USPL1: variants seen among roughly 807,000 people sequenced by gnomAD.
The protein encoded by USPL1 is ubiquitin specific peptidase like 1.
USPL1 carries 27 observed loss-of-function variants against 51.5 expected under a neutral mutation model. That is an observed-to-expected ratio of 0.52 (90% CI 0.39 to 0.72). The LOEUF (loss-of-function observed/expected upper bound fraction) is 0.72, where lower values mean the gene tolerates loss of function less well. Among genes scored for constraint, USPL1 ranks in the 30% least tolerant of loss-of-function variants. USPL1 has a pLI of 0.00. For synonymous variants in USPL1, 451 were observed against 459.6 expected (o/e 0.98, Z 0.24); for missense variants, 1,226 against 1,268.0 (o/e 0.97, Z 0.50).
chr13:30,653,772 A>G (rs560207149), intron 8 of USPL1, among the ~76,000 whole-genome samples: 3 of 152,340 alleles, frequency 2.0e-5, no homozygotes, highest in Admixed American at 1.3e-4. Context: ...AAGTAAGCAC[A>G]GTTTATGGAT....
chr13:30,639,438 A>G lies in USPL1; in HGVS notation c.982+1581A>G, dbSNP rs1006575080. Reference sequence around the variant, plus strand: ...TCTGCTTTATTTTTCATGGACTTATACATACATATTTATTCTGTTCTTATA... The same window carrying G: ...TCTGCTTTATTTTTCATGGACTTATGCATACATATTTATTCTGTTCTTATA... On this transcript the variant is annotated intron_variant, in intron 5 of 8. Coordinates refer to ENST00000255304, the MANE Select transcript of USPL1 (RefSeq NM_005800.5). 2.6e-5 allele frequency among the ~76,000 whole-genome samples: 4 copies of G among 152,092 alleles called. 1 individual carries two copies. Among genetic ancestry groups the G allele is most frequent in the Admixed American group, 2.6e-4 (4 of 15,268 alleles).
chr13:30,644,461 G>A (rs1007465549), intron 6 of USPL1, among the ~76,000 whole-genome samples: 2 of 151,922 alleles, frequency 1.3e-5, no homozygotes, highest in East Asian at 3.9e-4. Context: ...CAGGGTAAGG[G>A]AGGCCACAGA....
chr13:30,630,000 G>A (rs896587748), intron 3 of USPL1, among the ~76,000 whole-genome samples: 1 of 151,882 alleles, frequency 6.6e-6, no homozygotes, highest in African/African-American at 2.4e-5. Flanking sequence ...TAGAGACAGG[G>A]TCTTGCTCTG....
intron 7 of USPL1, among the ~76,000 whole-genome samples, chr13:30,650,635 G>C (rs554840137): frequency 6.6e-6 from 1 of 151,718 alleles, no homozygotes; most frequent in East Asian, 1.9e-4. Flanking sequence ...CAATGTTAAG[G>C]TGTATCCCGA....
At chr13:30,647,408 A>C (rs551198252) in intron 7 of USPL1, among the ~76,000 whole-genome samples, 45 of 152,306 alleles carry the variant, frequency 3.0e-4, no homozygotes, top group Non-Finnish European at 5.3e-4. Context: ...TTCAAGAACT[A>C]AGATGATTCA....
At chr13:30,626,039 G>A (rs1950710664) in intron 3 of USPL1, among the ~76,000 whole-genome samples, 1 of 152,170 alleles carries the variant, frequency 6.6e-6, no homozygotes, top group South Asian at 2.1e-4. Flanking sequence ...GAAGGGCCAG[G>A]TGCAGTGTTT....
In USPL1 at chr13:30,621,871, CT is replaced by C; in HGVS notation, c.212del (p.Leu71CysfsTer19). 1 of 1,559,352 alleles carries C rather than the reference CT, an allele frequency of 6.4e-7. No individual in the cohort carries two copies. The highest frequency in any genetic ancestry group is 8.7e-7 in the Non-Finnish European group (1 of 1,155,610). On this transcript the variant is annotated frameshift_variant, in exon 3 of 9. Coordinates refer to ENST00000255304, the MANE Select transcript of USPL1 (RefSeq NM_005800.5). LOFTEE classifies it high-confidence loss of function. ...TYRISFQESI[F>X]LCEDLQCIYP... ...ACCGAATTAGTTTTCAAGAATCTATCTTTTTGTGTGAGGATCTGCAGGTAAA... is the reference window on the plus strand; with the variant it reads ...ACCGAATTAGTTTTCAAGAATCTATCTTTTGTGTGAGGATCTGCAGGTAAA...
Position 30,630,955 on chromosome 13 carries a change from CTTCTT to C in USPL1, c.352_356del (p.Leu118SerfsTer7), listed in dbSNP as rs777481270. 1.2e-6 allele frequency: 2 copies of C among 1,614,002 alleles called. No individual in the cohort carries two copies. Among genetic ancestry groups the C allele is most frequent in the Admixed American group, 3.3e-5 (2 of 60,018 alleles). On this transcript the variant is annotated frameshift_variant, in exon 4 of 9. Transcript: ENST00000255304. LOFTEE classifies it high-confidence loss of function. ...CTTAGAAAGCAGCTATAAGGATTCA[CTTCTT>C]TTAGCAAATTCCAAAAAGACTAGAA...
At position 30,658,116 on chromosome 13, in the gene USPL1, A is replaced by G. The variant is rs149314621; in HGVS notation, c.2039A>G (p.Asn680Ser). ...GATACTGTAAATACTAAATCTGTGA[A>G]TAATACTGATGCTACTGGTCTTATA... Reference protein sequence around the residue: ...TEDTVNTKSVNNTDATGLIQG... With the variant: ...TEDTVNTKSVSNTDATGLIQG... Residue 680 changes from asparagine (N) to serine (S), a missense_variant, in exon 9 of 9, where the codon AAT (asparagine) becomes AGT (serine). Coordinates refer to ENST00000255304, the MANE Select transcript of USPL1 (RefSeq NM_005800.5). The G allele has an allele frequency of 3.7e-5, 60 of 1,613,628 alleles. No homozygotes were observed. The African/African-American group carries it at 7.9e-4, about 21-fold the overall frequency.
At chr13:30,643,459 G>A (rs965517805) in intron 6 of USPL1, among the ~76,000 whole-genome samples, 12 of 152,160 alleles carry the variant, frequency 7.9e-5, no homozygotes, top group Admixed American at 2.0e-4. Context: ...TAGAAGAGGA[G>A]TCAGGGAGGC....
At chr13:30,643,609 C>T (rs1185343959) in intron 6 of USPL1, among the ~76,000 whole-genome samples, 1 of 130,598 alleles carries the variant, frequency 7.7e-6, no homozygotes, top group Non-Finnish European at 1.6e-5. Flanking sequence ...CACCCCCCCC[C>T]GCCCTTTTTT....
At position 30,659,179 on chromosome 13, in the gene USPL1, A is replaced by C. The variant is rs141378094; in HGVS notation, c.3102A>C (p.Pro1034=). 3.7e-6 allele frequency: 6 copies of C among 1,614,040 alleles called. No individual in the cohort carries two copies. The highest frequency in any genetic ancestry group is 1.3e-5 in the African/African-American group (1 of 74,916). Residue 1034 remains proline, a synonymous_variant, in exon 9 of 9, where the codon CCA becomes CCC. Transcript: ENST00000255304. ...HNYCSPTKKN[P]CEVQPDSLTN... is the part of the protein sequence containing the mutation. Reference sequence around the variant, plus strand: ...ATTGTAGCCCCACCAAGAAAAATCCATGTGAAGTTCAGCCAGACTCTCTGA... The same window carrying C: ...ATTGTAGCCCCACCAAGAAAAATCCCTGTGAAGTTCAGCCAGACTCTCTGA...
intron 3 of USPL1, among the ~76,000 whole-genome samples, chr13:30,628,542 C>T (rs771814997): frequency 1.3e-5 from 2 of 152,154 alleles, no homozygotes; most frequent in Non-Finnish European, 2.9e-5. Flanking sequence ...TCCCCTAGCC[C>T]CCTACCCGCC....
At chr13:30,650,715 C>A (rs1311571822) in intron 7 of USPL1, among the ~76,000 whole-genome samples, 1 of 152,104 alleles carries the variant, frequency 6.6e-6, no homozygotes, top group Non-Finnish European at 1.5e-5. Flanking sequence ...AAAGTTTCGG[C>A]CGGGCATAGT....
rs1566062862 is a variant in USPL1 at position 30,658,540 on chromosome 13, GCCT to G, written c.2469_2471del (p.Pro824del). 1 of 1,614,098 alleles carries G rather than the reference GCCT, an allele frequency of 6.2e-7. No individual in the cohort carries two copies. On this transcript the variant is annotated inframe_deletion, in exon 9 of 9. Transcript: ENST00000255304. ...AGAAAGCTCGTAAGAGTGCAAGTAA[GCCT>G]CCTCCCATCAGTAAGCCACCAGCAG...
intron 3 of USPL1, among the ~76,000 whole-genome samples, chr13:30,630,068 C>T (rs1169183420): frequency 6.6e-6 from 1 of 152,102 alleles, no homozygotes; most frequent in Non-Finnish European, 1.5e-5. Flanking sequence ...CCTCCAACTC[C>T]TGGGCTTAAG....
At chr13:30,624,180 T>G (rs1390143610) in intron 3 of USPL1, among the ~76,000 whole-genome samples, 2 of 152,186 alleles carry the variant, frequency 1.3e-5, no homozygotes, top group Admixed American at 6.5e-5. Context: ...GATTATAGGA[T>G]ACCCATTTGG....
intron 3 of USPL1, among the ~76,000 whole-genome samples, chr13:30,629,632 A>G (rs1950773562): frequency 6.6e-6 from 1 of 152,170 alleles, no homozygotes; most frequent in Admixed American, 6.5e-5. Flanking sequence ...CTGGAAGTTG[A>G]GTTCAAATAG....
chr13:30,653,481 A>T (rs1387425514), intron 8 of USPL1, among the ~76,000 whole-genome samples, 176 bp downstream of exon 8: 2 of 152,146 alleles, frequency 1.3e-5, no homozygotes, highest in African/African-American at 4.8e-5. Context: ...TGATGGTTTT[A>T]GTATCCTGTC....
Sources: gnomAD v4.1 joint callset for allele counts (sites outside exome capture counted in the v4.1 genomes callset) on GRCh38, gnomAD v4.1.1 for gene constraint, MANE v1.5 for transcripts, NCBI Gene and HGNC (gene_info 2026-07-23, HGNC 2026-07-21) for gene names.